Variants in PDSS2 observed in about 807,000 individuals in gnomAD.
PDSS2 encodes all trans-polyprenyl-diphosphate synthase PDSS2.
Under a neutral mutation model 44.5 loss-of-function variants are expected in PDSS2, and 31 were observed. The observed-to-expected ratio is 0.70, with a 90% CI of 0.52 to 0.94. The LOEUF is 0.94. Among genes scored for constraint, PDSS2 ranks in the 40% least tolerant of loss-of-function variants. The pLI is 0.00. For synonymous variants in PDSS2, 157 were observed against 180.3 expected, an observed-to-expected ratio of 0.87 and a Z score of 1.03; for missense variants, 452 against 482.2, an observed-to-expected ratio of 0.94 and a Z score of 0.59.
intron 3 of PDSS2, among the ~76,000 whole-genome samples, chr6:107,259,619 G>A (rs945826330): frequency 4.0e-5 from 6 of 151,392 alleles, no homozygotes; most frequent in African/African-American, 1.5e-4. Flanking sequence ...AGGTTGCAGT[G>A]AGCTGAGATC....
At chr6:107,234,229 G>A (rs1025124908) in intron 4 of PDSS2, among the ~76,000 whole-genome samples, 9 of 150,022 alleles carry the variant, frequency 6.0e-5, no homozygotes, top group South Asian at 2.1e-4. Flanking sequence ...TCTTTGAGAC[G>A]GAGTCTCACT....
chr6:107,432,363 T>G (rs1781217521), intron 1 of PDSS2, among the ~76,000 whole-genome samples: 1 of 152,222 alleles, frequency 6.6e-6, no homozygotes, highest in South Asian at 2.1e-4. Flanking sequence ...TTCATTTTAT[T>G]TTTAGTTGAC....
At chr6:107,344,994 G>A (rs1469221638) in intron 1 of PDSS2, among the ~76,000 whole-genome samples, 2 of 152,028 alleles carry the variant, frequency 1.3e-5, no homozygotes, top group African/African-American at 2.4e-5. Context: ...TTACATCTAA[G>A]CCCCTTGGGT....
intron 7 of PDSS2, among the ~76,000 whole-genome samples, chr6:107,169,274 T>G (rs1554248116): frequency 6.6e-6 from 1 of 152,192 alleles, no homozygotes. Context: ...TCGAGTCGGC[T>G]ACTGAAGCTT....
intron 7 of PDSS2, among the ~76,000 whole-genome samples, chr6:107,157,454 TC>T (rs1770943887): frequency 6.6e-6 from 1 of 150,904 alleles, no homozygotes; most frequent in African/African-American, 2.4e-5. Flanking sequence ...CCAAACCTTC[TC>T]CCCTTTAATT....
intron 1 of PDSS2, among the ~76,000 whole-genome samples, chr6:107,444,787 G>A (rs374117861): frequency 1.3e-5 from 2 of 152,144 alleles, no homozygotes; most frequent in Admixed American, 6.5e-5. Context: ...AATAACAGTA[G>A]TGAACTCAGG....
intron 3 of PDSS2, among the ~76,000 whole-genome samples, chr6:107,270,954 C>T (rs1206100808): frequency 6.6e-6 from 1 of 152,202 alleles, no homozygotes; most frequent in Admixed American, 6.5e-5. Context: ...CTTCTACTGA[C>T]AATGATGCAA....
At chr6:107,338,895 T>TA (rs1777992348) in intron 1 of PDSS2, among the ~76,000 whole-genome samples, 1 of 151,992 alleles carries the variant, frequency 6.6e-6, no homozygotes, top group Non-Finnish European at 1.5e-5. Context: ...AGTATTAATT[T>TA]TTTTTTTCTT....
intron 1 of PDSS2, among the ~76,000 whole-genome samples, chr6:107,401,827 CCAGT>C (rs1440379628): frequency 1.3e-5 from 2 of 151,942 alleles, no homozygotes; most frequent in South Asian, 2.1e-4. Context: ...TTGAACTAAC[CCAGT>C]CAGACAACAA....
At chr6:107,312,282 A>G (rs1777067969) in intron 2 of PDSS2, among the ~76,000 whole-genome samples, 1 of 152,128 alleles carries the variant, frequency 6.6e-6, no homozygotes, top group African/African-American at 2.4e-5. Context: ...CCTGATGGCT[A>G]TGTTGGATTT....
chr6:107,163,551 T>G (rs1266940802), intron 7 of PDSS2, among the ~76,000 whole-genome samples: 1 of 152,104 alleles, frequency 6.6e-6, no homozygotes. Flanking sequence ...TCATTTTTAC[T>G]GCAAACTAGA....
At chr6:107,156,944 C>T (rs782299285) in intron 7 of PDSS2, among the ~76,000 whole-genome samples, 8 of 152,186 alleles carry the variant, frequency 5.3e-5, no homozygotes, top group Non-Finnish European at 8.8e-5. Context: ...AGGCCATCAT[C>T]ATCTCTCACC....
At chr6:107,187,265 A>G (rs1053598392) in intron 7 of PDSS2, among the ~76,000 whole-genome samples, 2 of 152,132 alleles carry the variant, frequency 1.3e-5, no homozygotes. Flanking sequence ...AGCACTACAT[A>G]TTCAAGGAGG....
In PDSS2 at chr6:107,456,543, C is replaced by T. The variant is rs114305862; in HGVS notation, c.296+2447G>A. Reference sequence around the variant, plus strand: ...GAAACATTATTATTTAGAAAAATAACAATGTAATTTTACTTATTTCATTTT... The same window carrying T: ...GAAACATTATTATTTAGAAAAATAATAATGTAATTTTACTTATTTCATTTT... On this transcript the variant is annotated intron_variant, in intron 1 of 7. Transcript: ENST00000369037. Among the ~76,000 whole-genome samples, 1,337 of 152,188 alleles carry T rather than the reference C, an allele frequency of 8.8e-3. 31 individuals carry two copies. The highest frequency in any genetic ancestry group is 0.031 in the African/African-American group (1,281 of 41,516).
At chr6:107,424,611 A>C (rs1462057720) in intron 1 of PDSS2, among the ~76,000 whole-genome samples, 1 of 152,198 alleles carries the variant, frequency 6.6e-6, no homozygotes, top group Admixed American at 6.5e-5. Context: ...GAGGCTGAAG[A>C]TACAGGCTGT....
chr6:107,376,235 G>A (rs1432847994), intron 1 of PDSS2, among the ~76,000 whole-genome samples: 2 of 151,992 alleles, frequency 1.3e-5, no homozygotes, highest in African/African-American at 2.4e-5. Flanking sequence ...GGATTGACTT[G>A]GCGATGTGGG....
intron 7 of PDSS2, among the ~76,000 whole-genome samples, chr6:107,182,178 A>G (rs899282511): frequency 6.6e-6 from 1 of 152,214 alleles, no homozygotes; most frequent in South Asian, 2.1e-4. Flanking sequence ...TGAAAGAGTT[A>G]AGGAGAAAAA....
chr6:107,373,003 AAGAC>A (rs1779174094), intron 1 of PDSS2, among the ~76,000 whole-genome samples: 1 of 133,344 alleles, frequency 7.5e-6, no homozygotes, highest in Non-Finnish European at 1.6e-5. Flanking sequence ...TTTTTTTTTT[AAGAC>A]AGAGTTTTGC....
intron 2 of PDSS2, among the ~76,000 whole-genome samples, chr6:107,300,685 T>A (rs1776665442): frequency 6.6e-6 from 1 of 152,192 alleles, no homozygotes. Context: ...GGTAACCCCC[T>A]TTGGGTCACT....
Sources: gnomAD v4.1 joint callset for allele counts (sites outside exome capture counted in the v4.1 genomes callset) on GRCh38, gnomAD v4.1.1 for gene constraint, MANE v1.5 for transcripts, NCBI Gene and HGNC (gene_info 2026-07-23, HGNC 2026-07-21) for gene names.